The following DDX25 variants were observed in gnomAD, a reference collection of about 807,000 sequenced individuals.
The protein encoded by DDX25 is ATP-dependent RNA helicase DDX25.
DDX25 carries 70 observed loss-of-function variants against 64.6 expected under a neutral mutation model. That is an observed-to-expected ratio of 1.08 (90% confidence interval 0.89 to 1.32). DDX25 has a LOEUF of 1.32. Among genes scored for constraint, DDX25 ranks in the 40% most tolerant of loss-of-function variants. DDX25 has a pLI of 0.00. For synonymous variants in DDX25, 211 were observed against 213.3 expected, an observed-to-expected ratio of 0.99 and a Z score of 0.09; for missense variants, 587 against 604.4, an observed-to-expected ratio of 0.97 and a Z score of 0.30.
In DDX25 at chr11:125,928,390, A is replaced by AT. The variant is rs1202545713; in HGVS notation, c.*5514dup. 6.6e-6 allele frequency: 1 copy of AT among 152,160 alleles called. No homozygotes were observed. The highest frequency in any genetic ancestry group is 2.4e-5 in the African/African-American group (1 of 41,432). The allele number at this position is 152,160 out of a possible 1,614,324, so 9.4% of individuals were successfully genotyped here. A position where few individuals can be genotyped will look rare whatever the true frequency, so the allele number is the denominator to read the frequency against. ...TTTGTTGAACATTTATAGGATGTCC[A>AT]TTTTTCCAAAGCTTTAATTATAAAT... On this transcript the variant is annotated 3_prime_UTR_variant, in exon 12 of 12. Coordinates refer to ENST00000263576, the MANE Select transcript of DDX25 (RefSeq NM_013264.5).
chr11:125,918,023 C>T (rs191381161), intron 9 of DDX25, among the ~76,000 whole-genome samples: 450 of 152,168 alleles, frequency 3.0e-3, no homozygotes, highest in South Asian at 4.6e-3. Flanking sequence ...AGACTACAGG[C>T]GCCTGCCACC....
Position 125,921,540 on chromosome 11 carries a change from C to A in DDX25, c.1390+161C>A, listed in dbSNP as rs1945116247. The A allele has an allele frequency of 4.1e-6, 3 of 726,858 alleles. No homozygotes were observed. The highest frequency in any genetic ancestry group is 5.9e-5 in the Admixed American group (2 of 33,770). 45.0% of individuals were successfully genotyped at this position (726,858 alleles called of 1,614,324 possible). A position where few individuals can be genotyped will look rare whatever the true frequency, so the allele number is the denominator to read the frequency against. ...ACAGGACCAGGGTTCTAATATGAGA[C>A]AGATGATTAAATAATGCTTATATGG... is the stretch of plus-strand genomic sequence containing the variant. On this transcript the variant is annotated intron_variant, in intron 11 of 11. Coordinates refer to ENST00000263576, the MANE Select transcript of DDX25 (RefSeq NM_013264.5). The surrounding 1 kb of genome is among the most constrained non-coding windows in gnomAD (Gnocchi z 4.1).
chr11:125,918,350 A>G (rs1364032661), intron 9 of DDX25, among the ~76,000 whole-genome samples: 2 of 152,222 alleles, frequency 1.3e-5, no homozygotes, highest in Non-Finnish European at 2.9e-5. Flanking sequence ...TCATTTTGTC[A>G]TCATAGCACC....
intron 8 of DDX25, among the ~76,000 whole-genome samples, chr11:125,912,293 C>T (rs1427988653): frequency 6.6e-6 from 1 of 152,032 alleles, no homozygotes; most frequent in South Asian, 2.1e-4. Flanking sequence ...CCTTTCCTAT[C>T]CCCCCATTAC....
intron 4 of DDX25, among the ~76,000 whole-genome samples, chr11:125,907,501 G>C (rs568553531): frequency 2.0e-5 from 3 of 152,034 alleles, no homozygotes; most frequent in Admixed American, 2.0e-4. Flanking sequence ...CTAGCTACTC[G>C]GGAGGCTGAG....
chr11:125,905,960 G>A, intron 3 of DDX25, 114 bp from the exon 4 acceptor site: 9 of 1,328,922 alleles, frequency 6.8e-6, no homozygotes, highest in East Asian at 2.6e-5. Context: ...TCTTTTAGAG[G>A]AAAAATGAGC....
At position 125,906,051 on chromosome 11, in the gene DDX25, CTTTT is replaced by C. The variant is rs1196556142; in HGVS notation, c.176-20_176-17del. 3.1e-5 allele frequency: 48 copies of C among 1,529,338 alleles called. No individual in the cohort carries two copies. The highest frequency in any genetic ancestry group is 3.9e-5 in the Non-Finnish European group (45 of 1,140,434). 94.7% of individuals were successfully genotyped at this position (1,529,338 alleles called of 1,614,324 possible). On this transcript the variant is annotated intron_variant, in intron 3 of 11. Coordinates refer to ENST00000263576, the MANE Select transcript of DDX25 (RefSeq NM_013264.5). The stretch of plus-strand genomic sequence containing the variant: ...TGTCATTCAGGAAGCTTGATGTCCT[CTTTT>C]TTATTTTTGCTTTTCTAGTGGATTT...
chr11:125,907,173 G>A (rs1367157078), intron 4 of DDX25, among the ~76,000 whole-genome samples: 1 of 152,148 alleles, frequency 6.6e-6, no homozygotes, highest in Non-Finnish European at 1.5e-5. Flanking sequence ...GAAAAGCACT[G>A]AAACCTACTT....
upstream of DDX25, among the ~76,000 whole-genome samples, chr11:125,903,717 T>A (rs1944832445): frequency 8.3e-6 from 1 of 120,232 alleles, no homozygotes; most frequent in Non-Finnish European, 1.6e-5. Context: ...CCAGAAATGC[T>A]GATCAAAATC....
chr11:125,921,300 C>T lies in DDX25; in HGVS notation c.1311C>T (p.Arg437=). 6.2e-7 allele frequency: 1 copy of T among 1,613,692 alleles called. No individual in the cohort carries two copies. The highest frequency in any genetic ancestry group is 8.5e-7 in the Non-Finnish European group (1 of 1,179,810). The change falls in exon 11 of 12, where the codon CGC becomes CGT. Residue 437 remains arginine, a synonymous_variant. Transcript: ENST00000263576. This position sits in a 1 kb window ranked among gnomAD's most constrained non-coding sequence, Gnocchi z 4.1. ...TCCACCGCATAGGGCGGACGGGGCG[C>T]TTTGGGAAAAAAGGCCTTGCCTTCA... is the stretch of plus-strand genomic sequence containing the variant. The part of the protein sequence containing the change: ...TYLHRIGRTG[R]FGKKGLAFNM...
At chr11:125,907,366 TG>T (rs1156386182) in intron 4 of DDX25, among the ~76,000 whole-genome samples, 5 of 152,124 alleles carry the variant, frequency 3.3e-5, no homozygotes, top group Non-Finnish European at 7.3e-5. Context: ...CCCAGCACTT[TG>T]GGAGGCCAAG....
chr11:125,910,345 TTCTC>T lies in DDX25; in HGVS notation c.508-13_508-10del, dbSNP rs1199789790. The T allele has an allele frequency of 2.5e-6, 4 of 1,608,682 alleles. No individual in the cohort carries two copies. In the Admixed American group the frequency reaches 6.7e-5, roughly 27 times the overall value. On this transcript the variant is annotated splice_polypyrimidine_tract_variant and intron_variant, in intron 6 of 11. Transcript: ENST00000263576. ...CTGTAAGAACCTTTCTCCTCCCCTC[TTCTC>T]TCTCTATCCCACAGTGCCTCTGCCT...
chr11:125,923,859 TGA>T lies in DDX25; in HGVS notation c.*980_*981del, dbSNP rs1945143407. The T allele has an allele frequency of 6.6e-6, 1 of 152,126 alleles. No homozygotes were observed. Among genetic ancestry groups the T allele is most frequent in the South Asian group, 2.1e-4 (1 of 4,824 alleles). 9.4% of individuals were successfully genotyped at this position (152,126 alleles called of 1,614,324 possible). A position where few individuals can be genotyped will look rare whatever the true frequency, so the allele number is the denominator to read the frequency against. ...CACCAAACTGCACCAGTGGCTGCAG[TGA>T]GTGGCCCTGTCATCGGTGGCATGGT... On this transcript the variant is annotated 3_prime_UTR_variant, in exon 12 of 12. Transcript: ENST00000263576.
intron 4 of DDX25, 143 bp downstream of exon 4, chr11:125,906,352 C>T: frequency 2.7e-6 from 3 of 1,099,340 alleles, no homozygotes; most frequent in Non-Finnish European, 3.7e-6. Flanking sequence ...CAGAGTCTCA[C>T]TCTGTCCCCC....
chr11:125,921,066 A>G lies in DDX25; in HGVS notation c.1202-125A>G. 5.1e-6 allele frequency: 5 copies of G among 980,904 alleles called. No individual in the cohort carries two copies. The South Asian group carries it at 9.0e-5, about 18-fold the overall frequency. 60.8% of individuals were successfully genotyped at this position (980,904 alleles called of 1,614,324 possible). ...TAACCAAAGTACCTGTCTCAATTAC[A>G]TAAGCCCTGGTTGGATTTCTAAATT... On this transcript the variant is annotated intron_variant, in intron 10 of 11. Transcript: ENST00000263576. This position sits in a 1 kb window ranked among gnomAD's most constrained non-coding sequence, Gnocchi z 4.1.
chr11:125,907,865 G>A (rs1212573511), intron 4 of DDX25, among the ~76,000 whole-genome samples: 1 of 152,142 alleles, frequency 6.6e-6, no homozygotes, highest in Admixed American at 6.5e-5. Flanking sequence ...TTTCTGCTTA[G>A]GCAGAAAATA....
Position 125,910,265 on chromosome 11 carries a change from C to T in DDX25, c.508-99C>T. The T allele has an allele frequency of 3.3e-6, 3 of 921,792 alleles. No individual in the cohort carries two copies. In the Admixed American group the frequency reaches 6.9e-5, roughly 21 times the overall value. 57.1% of individuals were successfully genotyped at this position (921,792 alleles called of 1,614,324 possible). A position where few individuals can be genotyped will look rare whatever the true frequency, so the allele number is the denominator to read the frequency against. On this transcript the variant is annotated intron_variant, in intron 6 of 11. Coordinates refer to ENST00000263576, the MANE Select transcript of DDX25 (RefSeq NM_013264.5). ...TCATTCAACCAAAACCTTCAATTTC[C>T]TTTCTGTGCCTCTCCCTGTACAAAT...
intron 6 of DDX25, 92 bp downstream of exon 6, chr11:125,908,595 A>G: frequency 2.5e-6 from 3 of 1,192,682 alleles, no homozygotes; most frequent in East Asian, 2.3e-5. Flanking sequence ...TATGGTTACT[A>G]TGGTGATGAA....
At chr11:125,917,331 G>A in intron 9 of DDX25, 80 bp downstream of exon 9, 1 of 1,333,696 alleles carries the variant, frequency 7.5e-7, no homozygotes, top group Non-Finnish European at 1.0e-6. Flanking sequence ...GTGCCCTAGA[G>A]CCAGGCACCA....
Sources: gnomAD v4.1 joint callset for allele counts (sites outside exome capture counted in the v4.1 genomes callset) on GRCh38, gnomAD v4.1.1 for gene constraint, Gnocchi (gnomAD v3.1) non-coding constraint, MANE v1.5 for transcripts, NCBI Gene and HGNC (gene_info 2026-07-23, HGNC 2026-07-21) for gene names.